The following CSMD1 variants were observed in gnomAD, a reference collection of about 807,000 sequenced individuals.
CSMD1 encodes CUB and Sushi multiple domains 1, also known as CUB and sushi domain-containing protein 1.
A neutral mutation model predicts 417.5 loss-of-function variants in CSMD1; 213 were observed. The ratio of observed to expected loss-of-function variants is 0.51; its 90% CI spans 0.46 to 0.57. CSMD1 has a LOEUF of 0.57. CSMD1 is among the 20% of genes least tolerant of loss of function. CSMD1 has a pLI of 0.00. For missense variants in CSMD1, 6,923 were observed against 4,529.7 expected (o/e 1.53, Z -15.17); for synonymous variants, 2,862 against 1,736.8 (o/e 1.65, Z -16.11).
At chr8:3,744,620 G>A (rs1484111417) in intron 6 of CSMD1, among the ~76,000 whole-genome samples, 1 of 152,194 alleles carries the variant, frequency 6.6e-6, no homozygotes, top group Non-Finnish European at 1.5e-5. Flanking sequence ...CATGTGCAGT[G>A]TACATTGTAA....
At chr8:3,072,445 C>T (rs1813384952) in intron 49 of CSMD1, among the ~76,000 whole-genome samples, 1 of 152,102 alleles carries the variant, frequency 6.6e-6, no homozygotes, top group African/African-American at 2.4e-5. Context: ...AATCAATATG[C>T]CAAGGAGGTA....
chr8:4,941,882 G>C (rs1361956740), intron 1 of CSMD1, among the ~76,000 whole-genome samples: 1 of 152,176 alleles, frequency 6.6e-6, no homozygotes, highest in African/African-American at 2.4e-5. Flanking sequence ...TTACAGGTGT[G>C]AGCCACCACA....
chr8:4,314,441 G>A (rs1395644392), intron 3 of CSMD1, among the ~76,000 whole-genome samples: 2 of 152,190 alleles, frequency 1.3e-5, no homozygotes, highest in South Asian at 2.1e-4. Context: ...AGTATGGGGT[G>A]TTTTAAAATA....
At chr8:4,112,716 A>T (rs1801922377) in intron 3 of CSMD1, among the ~76,000 whole-genome samples, 1 of 152,210 alleles carries the variant, frequency 6.6e-6, no homozygotes, top group Non-Finnish European at 1.5e-5. Flanking sequence ...TGATATGGAG[A>T]TTTAATTACA....
chr8:4,314,015 A>AAATAAT lies in CSMD1; in HGVS notation c.415+105932_415+105937dup, dbSNP rs555919279. ...GGCAACAAAGTGAGAATCCGTCTCA[A>AAATAAT]AATAATAATAATAATAATAATGATA... On this transcript the variant is annotated intron_variant, in intron 3 of 69. Coordinates refer to ENST00000635120, the MANE Select transcript of CSMD1 (RefSeq NM_033225.6). Among the ~76,000 whole-genome samples, 55 of 150,226 alleles carry AAATAAT rather than the reference A, an allele frequency of 3.7e-4. 1 individual carries two copies. Among genetic ancestry groups the AAATAAT allele is most frequent in the African/African-American group, 1.2e-3 (50 of 40,884 alleles).
chr8:3,961,048 A>G (rs371939587), intron 5 of CSMD1, among the ~76,000 whole-genome samples: 4 of 152,092 alleles, frequency 2.6e-5, no homozygotes, highest in East Asian at 3.8e-4. Context: ...GGAAAAGATA[A>G]TTCAGAAATC....
Position 4,392,744 on chromosome 8 carries a change from C to T in CSMD1, c.415+27209G>A, listed in dbSNP as rs148089249. Among the ~76,000 whole-genome samples the T allele has an allele frequency of 4.3e-3, 650 of 151,126 alleles. 5 individuals are homozygous for T. Among genetic ancestry groups the T allele is most frequent in the African/African-American group, 0.015 (608 of 41,234 alleles). On this transcript the variant is annotated intron_variant, in intron 3 of 69. Transcript: ENST00000635120. ...CAGCACTTTGGGAGGCTGAGGCGGG[C>T]GGATCACGAGGTCAAGAGATTGAGA...
chr8:4,439,994 G>C (rs1379913741), intron 2 of CSMD1, among the ~76,000 whole-genome samples: 1 of 152,120 alleles, frequency 6.6e-6, no homozygotes, highest in Non-Finnish European at 1.5e-5. Flanking sequence ...GCCTAGACAT[G>C]GGGGGTATAC....
At chr8:3,944,000 A>C (rs1811062920) in intron 5 of CSMD1, among the ~76,000 whole-genome samples, 1 of 152,148 alleles carries the variant, frequency 6.6e-6, no homozygotes, top group Non-Finnish European at 1.5e-5. Context: ...ATCAGAGTTA[A>C]TATATTGACT....
chr8:3,483,801 G>C (rs1817874992), intron 11 of CSMD1, among the ~76,000 whole-genome samples: 1 of 152,052 alleles, frequency 6.6e-6, no homozygotes, highest in Non-Finnish European at 1.5e-5. Context: ...TCATGAAGTA[G>C]AATTTATTCC....
intron 1 of CSMD1, among the ~76,000 whole-genome samples, chr8:4,794,758 A>T (rs1797882988): frequency 1.3e-5 from 2 of 152,308 alleles, no homozygotes; most frequent in South Asian, 4.1e-4. Context: ...GAGCCATTTG[A>T]ATTCCATGCC....
chr8:3,967,816 C>T (rs577254798), intron 5 of CSMD1, among the ~76,000 whole-genome samples: 4 of 152,068 alleles, frequency 2.6e-5, no homozygotes, highest in East Asian at 1.9e-4. Context: ...TGAGAATATA[C>T]GCTTATAGAT....
chr8:3,511,923 G>A (rs1797091083), intron 10 of CSMD1, among the ~76,000 whole-genome samples: 1 of 150,264 alleles, frequency 6.7e-6, no homozygotes, highest in Admixed American at 6.6e-5. Flanking sequence ...AAAAAAAACG[G>A]TTGTTATATG....
chr8:3,686,097 T>C (rs905937040), intron 7 of CSMD1, among the ~76,000 whole-genome samples: 3 of 14,170 alleles, frequency 2.1e-4, no homozygotes, highest in South Asian at 1.3e-3. Context: ...ATCAGAAGGG[T>C]CAGTTTTCTA....
intron 49 of CSMD1, among the ~76,000 whole-genome samples, chr8:3,070,584 T>G (rs1159658478): frequency 6.6e-6 from 1 of 152,220 alleles, no homozygotes; most frequent in Non-Finnish European, 1.5e-5. Flanking sequence ...ATAACACACA[T>G]GACCTTTGCT....
intron 1 of CSMD1, among the ~76,000 whole-genome samples, chr8:4,824,489 T>A (rs1799702490): frequency 1.3e-5 from 2 of 152,080 alleles, no homozygotes; most frequent in Non-Finnish European, 2.9e-5. Flanking sequence ...AATAGAATGG[T>A]TTTTAAACAG....
intron 11 of CSMD1, among the ~76,000 whole-genome samples, chr8:3,492,347 G>C (rs1482113259): frequency 6.6e-6 from 1 of 152,002 alleles, no homozygotes; most frequent in Admixed American, 6.6e-5. Context: ...TCTCACATAG[G>C]GCAGACCAGC....
intron 1 of CSMD1, among the ~76,000 whole-genome samples, chr8:4,918,241 C>T (rs552678794): frequency 6.6e-6 from 1 of 152,296 alleles, no homozygotes; most frequent in East Asian, 1.9e-4. Flanking sequence ...TCACTCAAGG[C>T]CCCCTCCATG....
intron 3 of CSMD1, among the ~76,000 whole-genome samples, chr8:4,322,428 G>C (rs184311442): frequency 7.9e-5 from 12 of 152,228 alleles, no homozygotes; most frequent in African/African-American, 2.2e-4. Flanking sequence ...ACATATGGCA[G>C]AATATTCTAT....
Sources: gnomAD v4.1 joint callset for allele counts (sites outside exome capture counted in the v4.1 genomes callset) on GRCh38, gnomAD v4.1.1 for gene constraint, MANE v1.5 for transcripts, NCBI Gene and HGNC (gene_info 2026-07-23, HGNC 2026-07-21) for gene names.